Variants in PHACTR4 observed in about 807,000 individuals in gnomAD.
PHACTR4 encodes protein phosphatase 1, regulatory subunit 124.
A neutral mutation model predicts 72.7 loss-of-function variants in PHACTR4; 51 were observed. The observed-to-expected ratio is 0.70, with a 90% CI of 0.56 to 0.89. The LOEUF is 0.89. Ranked by LOEUF, PHACTR4 falls within the 40% of genes least tolerant of loss-of-function variation. The probability of loss-of-function intolerance (pLI) is 0.00; values close to 1 mark genes in which losing one functional copy is unlikely to be tolerated. For missense variants in PHACTR4, 731 were observed against 861.8 expected (o/e 0.85, Z 1.90); for synonymous variants, 255 against 302.5 (o/e 0.84, Z 1.63).
intron 2 of PHACTR4, among the ~76,000 whole-genome samples, chr1:28,421,555 A>C (rs1009812580): frequency 6.6e-6 from 1 of 152,126 alleles, no homozygotes; most frequent in African/African-American, 2.4e-5. Flanking sequence ...TTTCTTATTT[A>C]GGTTTCCTTT....
At chr1:28,421,852 A>G (rs936754861) in intron 2 of PHACTR4, among the ~76,000 whole-genome samples, 12 of 152,206 alleles carry the variant, frequency 7.9e-5, no homozygotes, top group Admixed American at 7.9e-4. Flanking sequence ...TTCTGGTTAT[A>G]ATCTCATAAT....
chr1:28,370,261 C>T (rs1651130108), intron 1 of PHACTR4, among the ~76,000 whole-genome samples: 1 of 152,216 alleles, frequency 6.6e-6, no homozygotes, highest in South Asian at 2.1e-4. Context: ...CCTCAGACCT[C>T]TGCACCCCTG....
At chr1:28,378,335 C>A (rs1381725832) in intron 1 of PHACTR4, among the ~76,000 whole-genome samples, 8 of 128,180 alleles carry the variant, frequency 6.2e-5, no homozygotes, top group Non-Finnish European at 9.6e-5. Flanking sequence ...AACCCCGTCT[C>A]TACTAAAAAA....
intron 1 of PHACTR4, among the ~76,000 whole-genome samples, chr1:28,398,689 C>T (rs1335627686): frequency 1.3e-5 from 2 of 151,160 alleles, no homozygotes; most frequent in East Asian, 3.9e-4. Context: ...CGTGGGGGCA[C>T]ATGCCTATAA....
chr1:28,426,414 T>C (rs920785718), intron 2 of PHACTR4, among the ~76,000 whole-genome samples: 3 of 151,800 alleles, frequency 2.0e-5, no homozygotes, highest in African/African-American at 7.3e-5. Context: ...ATCCCAGTAC[T>C]TTGGGAGGCT....
intron 2 of PHACTR4, among the ~76,000 whole-genome samples, chr1:28,418,321 T>G (rs67719611): frequency 7.0e-6 from 1 of 143,840 alleles, no homozygotes; most frequent in Admixed American, 6.8e-5. Context: ...AAAAAAAAAA[T>G]AATAATAATA....
chr1:28,475,613 G>A (rs764560641), intron 7 of PHACTR4, among the ~76,000 whole-genome samples: 30 of 152,036 alleles, frequency 2.0e-4, no homozygotes, highest in Non-Finnish European at 2.6e-4. Context: ...TGAACCCTTA[G>A]ATTAATACCT....
intron 2 of PHACTR4, among the ~76,000 whole-genome samples, chr1:28,424,649 T>G (rs1232097358): frequency 6.6e-6 from 1 of 151,538 alleles, no homozygotes; most frequent in Non-Finnish European, 1.5e-5. Flanking sequence ...CCACCACACT[T>G]GGCTTATTTT....
chr1:28,380,245 A>G (rs2124137350), intron 1 of PHACTR4, among the ~76,000 whole-genome samples: 1 of 150,130 alleles, frequency 6.7e-6, no homozygotes, highest in South Asian at 2.1e-4. Flanking sequence ...TTTAGTAGAG[A>G]CGGGGTTTCA....
intron 8 of PHACTR4, among the ~76,000 whole-genome samples, chr1:28,477,001 C>G (rs1659969849): frequency 6.6e-6 from 1 of 151,284 alleles, no homozygotes; most frequent in Admixed American, 6.6e-5. Flanking sequence ...AACTCCCGAC[C>G]TCAGGTGATC....
intron 1 of PHACTR4, among the ~76,000 whole-genome samples, chr1:28,374,824 C>A (rs986988433): frequency 1.3e-5 from 2 of 152,118 alleles, no homozygotes; most frequent in Admixed American, 6.6e-5. Context: ...AAATAAAATT[C>A]CCTCATATAA....
chr1:28,397,704 CTT>C (rs201612295), intron 1 of PHACTR4, among the ~76,000 whole-genome samples: 75 of 136,388 alleles, frequency 5.5e-4, no homozygotes, highest in Admixed American at 7.4e-4. Context: ...ATAATTTTTG[CTT>C]TTTTTTTTTT....
chr1:28,440,391 A>ATTT lies in PHACTR4; in HGVS notation c.17-18692_17-18691insTTT, dbSNP rs1414224976. 3.6e-4 allele frequency among the ~76,000 whole-genome samples: 32 copies of ATTT among 89,988 alleles called. 4 individuals carry two copies. Among genetic ancestry groups the ATTT allele is most frequent in the African/African-American group, 1.4e-3 (27 of 19,904 alleles). 59.0% of individuals were successfully genotyped at this position (89,988 alleles called of 152,430 possible). ...AAAAAAGTAAGAATCAAATTCATCA[A>ATTT]TTCTTTTTTTTTTTTTTTTTTTGAG... On this transcript the variant is annotated intron_variant, in intron 2 of 13. Coordinates refer to ENST00000373839, the MANE Select transcript of PHACTR4 (RefSeq NM_001048183.3).
chr1:28,473,415 A>T, intron 6 of PHACTR4, 139 bp from the exon 7 acceptor site: 1 of 682,738 alleles, frequency 1.5e-6, no homozygotes, highest in Non-Finnish European at 2.6e-6. Flanking sequence ...GATAAAATAT[A>T]TAGGGAATGG....
At chr1:28,427,617 C>CTT (rs565907829) in intron 2 of PHACTR4, among the ~76,000 whole-genome samples, 2 of 152,200 alleles carry the variant, frequency 1.3e-5, no homozygotes, top group Non-Finnish European at 2.9e-5. Context: ...CGGGTCTTCA[C>CTT]TTATACATCA....
intron 2 of PHACTR4, 102 bp downstream of exon 2, chr1:28,407,565 G>A (rs1339401536): frequency 2.0e-6 from 2 of 980,444 alleles, no homozygotes; most frequent in Admixed American, 4.2e-5. Context: ...TATTCAGTAT[G>A]CTACTCTCTA....
At chr1:28,487,104 C>T (rs1416312696) in intron 9 of PHACTR4, among the ~76,000 whole-genome samples, 2 of 152,034 alleles carry the variant, frequency 1.3e-5, no homozygotes, top group South Asian at 2.1e-4. Context: ...CAGTGGCTCA[C>T]GCCTGTAATC....
rs1661374571 is a variant in PHACTR4 at position 28,496,541 on chromosome 1, C to T, written c.2101C>T (p.Arg701Cys). The T allele has an allele frequency of 1.2e-6, 2 of 1,613,912 alleles. No individual in the cohort carries two copies. Among genetic ancestry groups the T allele is most frequent in the Non-Finnish European group, 1.7e-6 (2 of 1,179,902 alleles). Residue 701 changes from arginine (R) to cysteine (C), a missense_variant, in exon 14 of 14, where the codon CGT becomes TGT. Around this residue, in one of 2 missense-constraint regions of PHACTR4, gnomAD observed 110 missense variants for 185.2 expected, o/e 0.59. Coordinates refer to ENST00000373839, the MANE Select transcript of PHACTR4 (RefSeq NM_001048183.3). ...EESKHFTRYH[R>C]P ...TTTTTTAATCTCTTTTAGCTACCAT[C>T]GTCCATGATGCCAAAGGTTGAGAGA...
chr1:28,417,289 T>C (rs894486015), intron 2 of PHACTR4, among the ~76,000 whole-genome samples: 1 of 152,194 alleles, frequency 6.6e-6, no homozygotes, highest in Admixed American at 6.5e-5. Context: ...AAATCATGGA[T>C]AATACTGAAC....
Sources: allele counts gnomAD v4.1 joint callset (sites outside exome capture counted in the v4.1 genomes callset), GRCh38; gene constraint gnomAD v4.1.1; regional missense constraint gnomAD v4.1.1; transcripts MANE v1.5; gene names NCBI Gene and HGNC (gene_info 2026-07-23, HGNC 2026-07-21).